The following AMMECR1 variants were observed in gnomAD, a reference collection of about 807,000 sequenced individuals.
AMMECR1 encodes the protein AMMECR nuclear protein 1.
A neutral mutation model predicts 22.5 loss-of-function variants in AMMECR1; 3 were observed. That is an observed-to-expected ratio of 0.13 (90% CI 0.06 to 0.35). The LOEUF is 0.35. AMMECR1 is among the 10% of genes least tolerant of loss of function. The probability of loss-of-function intolerance (pLI) is 1.00; values close to 1 mark genes in which losing one functional copy is unlikely to be tolerated. For missense variants in AMMECR1, 235 were observed against 278.7 expected (o/e 0.84, Z 1.12); for synonymous variants, 130 against 116.7 (o/e 1.11, Z -0.74).
upstream of AMMECR1, among the ~76,000 whole-genome samples, chrX:110,318,754 G>T (rs753765339): frequency 1.8e-5 from 2 of 111,606 alleles, no homozygotes; most frequent in African/African-American, 6.5e-5. Context: ...TTTAATTCCA[G>T]CCTAAGCACA....
intron 2 of AMMECR1, among the ~76,000 whole-genome samples, chrX:110,419,584 G>A (rs764114555): frequency 8.9e-6 from 1 of 112,688 alleles, no homozygotes; most frequent in African/African-American, 3.2e-5. Context: ...ACTCAGCAAT[G>A]TGTCCCTCTC....
chrX:110,419,464 T>C (rs1047356358), intron 2 of AMMECR1, among the ~76,000 whole-genome samples: 1 of 112,500 alleles, frequency 8.9e-6, no homozygotes, highest in Non-Finnish European at 1.9e-5. Flanking sequence ...AATGCTTCCT[T>C]AACCCCATTT....
chrX:110,208,695 A>G, intron 3 of AMMECR1, among the ~76,000 whole-genome samples: 1 of 112,212 alleles, frequency 8.9e-6, no homozygotes, highest in Non-Finnish European at 1.9e-5. Context: ...AATTTTAAAT[A>G]AAGTATGGCT....
At chrX:110,432,510 T>C (rs1167948975) in intron 1 of AMMECR1, among the ~76,000 whole-genome samples, 1 of 111,959 alleles carries the variant, frequency 8.9e-6, no homozygotes, top group Admixed American at 9.4e-5. Flanking sequence ...TGAGGCAGCG[T>C]TGGGGGCCGT....
chrX:110,362,672 A>C (rs1052958253), intron 2 of AMMECR1, among the ~76,000 whole-genome samples: 1 of 112,102 alleles, frequency 8.9e-6, no homozygotes, highest in Non-Finnish European at 1.9e-5. Flanking sequence ...AATATGATAA[A>C]TGAAGTATTT....
intron 1 of AMMECR1, among the ~76,000 whole-genome samples, chrX:110,433,086 T>C (rs779742714): frequency 1.8e-5 from 2 of 112,514 alleles, no homozygotes; most frequent in East Asian, 5.6e-4. Context: ...TGCTGCTGTC[T>C]GTGAGCTCGT....
At chrX:110,285,984 AG>A (rs1253879062) in intron 1 of AMMECR1, among the ~76,000 whole-genome samples, 16 of 112,207 alleles carry the variant, frequency 1.4e-4, no homozygotes, top group African/African-American at 5.2e-4. Context: ...AAAGGGTTAA[AG>A]TAAGTGTGGG....
chrX:110,425,935 C>T (rs1049227445), intron 2 of AMMECR1, among the ~76,000 whole-genome samples: 1 of 112,266 alleles, frequency 8.9e-6, no homozygotes, highest in Non-Finnish European at 1.9e-5. Context: ...GTGTCAGCTC[C>T]TGTGCTAGGC....
chrX:110,397,187 C>A (rs972539255), intron 2 of AMMECR1, among the ~76,000 whole-genome samples: 7 of 111,122 alleles, frequency 6.3e-5, no homozygotes, highest in African/African-American at 2.3e-4. Context: ...AGATGCTTGG[C>A]TCTCCTGAGC....
At chrX:110,404,940 C>T (rs1022657173) in intron 2 of AMMECR1, among the ~76,000 whole-genome samples, 13 of 111,537 alleles carry the variant, frequency 1.2e-4, no homozygotes, top group Non-Finnish European at 2.1e-4. Context: ...TTCTGTCATC[C>T]GCATTCTGTT....
At chrX:110,265,802 A>C (rs1213231813) in intron 1 of AMMECR1, among the ~76,000 whole-genome samples, 1 of 112,086 alleles carries the variant, frequency 8.9e-6, no homozygotes, top group African/African-American at 3.2e-5. Flanking sequence ...TCCTTTCTTC[A>C]AAATACTCTT....
At chrX:110,277,907 A>C (rs1285801964) in intron 1 of AMMECR1, among the ~76,000 whole-genome samples, 1 of 112,381 alleles carries the variant, frequency 8.9e-6, no homozygotes, top group Admixed American at 9.4e-5. Flanking sequence ...AGTTTAAAAA[A>C]AGTGCAATCT....
At chrX:110,282,979 T>C (rs2067860612) in intron 1 of AMMECR1, among the ~76,000 whole-genome samples, 1 of 111,803 alleles carries the variant, frequency 8.9e-6, no homozygotes, top group Non-Finnish European at 1.9e-5. Context: ...AGAAAAGGTT[T>C]ATCATCTCCA....
chrX:110,230,000 A>G (rs1232346191), intron 2 of AMMECR1, among the ~76,000 whole-genome samples: 1 of 113,046 alleles, frequency 8.8e-6, no homozygotes, highest in Non-Finnish European at 1.9e-5. Flanking sequence ...CAAAGCAGCC[A>G]GGAAGCTCGA....
intron 2 of AMMECR1, among the ~76,000 whole-genome samples, chrX:110,355,881 G>T (rs1602922280): frequency 9.0e-6 from 1 of 111,333 alleles, no homozygotes; most frequent in Non-Finnish European, 1.9e-5. Flanking sequence ...ACCTATACAC[G>T]ATGGAATACT....
chrX:110,404,873 G>A (rs925563037), intron 2 of AMMECR1, among the ~76,000 whole-genome samples: 9 of 111,614 alleles, frequency 8.1e-5, no homozygotes, highest in Non-Finnish European at 1.9e-5. Context: ...GGCAAAATGT[G>A]TTATATTAAT....
At chrX:110,200,396 T>C (rs761890241) in intron 5 of AMMECR1, among the ~76,000 whole-genome samples, 1 of 112,263 alleles carries the variant, frequency 8.9e-6, no homozygotes, top group Non-Finnish European at 1.9e-5. Context: ...GCATTCAATG[T>C]AGTTTTATGG....
At chrX:110,317,116 T>C (rs1441557853) in intron 1 of AMMECR1, among the ~76,000 whole-genome samples, 1 of 111,755 alleles carries the variant, frequency 8.9e-6, no homozygotes, top group Non-Finnish European at 1.9e-5. Context: ...GTTCCATCAC[T>C]AACAGAAGTT....
chrX:110,290,054 T>C (rs1300613852), intron 1 of AMMECR1, among the ~76,000 whole-genome samples: 1 of 111,735 alleles, frequency 8.9e-6, no homozygotes, highest in East Asian at 2.8e-4. Context: ...AACAGGAACT[T>C]CTATATTACA....
Sources: gnomAD v4.1 joint callset for allele counts (sites outside exome capture counted in the v4.1 genomes callset) on GRCh38, gnomAD v4.1.1 for gene constraint, MANE v1.5 for transcripts, NCBI Gene and HGNC (gene_info 2026-07-23, HGNC 2026-07-21) for gene names.